GABRB1: variants seen among roughly 807,000 people sequenced by gnomAD.
GABRB1 encodes gamma-aminobutyric acid type A receptor subunit beta1, also known as gamma-aminobutyric acid receptor subunit beta-1.
Under a neutral mutation model 51.6 loss-of-function variants are expected in GABRB1, and 17 were observed. That is an observed-to-expected ratio of 0.33 (90% confidence interval 0.23 to 0.49). GABRB1 has a LOEUF of 0.49. Among genes scored for constraint, GABRB1 ranks in the 20% least tolerant of loss-of-function variants. The probability of loss-of-function intolerance (pLI) is 0.99; values close to 1 mark genes in which losing one functional copy is unlikely to be tolerated. For missense variants in GABRB1, 410 were observed against 600.6 expected (o/e 0.68, Z 3.32); for synonymous variants, 247 against 218.9 (o/e 1.13, Z -1.14).
intron 4 of GABRB1, among the ~76,000 whole-genome samples, chr4:47,188,348 G>A (rs573117853): frequency 2.0e-5 from 3 of 151,916 alleles, no homozygotes; most frequent in South Asian, 4.1e-4. Flanking sequence ...CACTTTGGAC[G>A]TTTTTTAATG....
intron 5 of GABRB1, among the ~76,000 whole-genome samples, chr4:47,362,172 C>G (rs1726832579): frequency 6.6e-6 from 1 of 152,086 alleles, no homozygotes; most frequent in Admixed American, 6.5e-5. Flanking sequence ...CAAGGATAAT[C>G]AGGTCAAATG....
chr4:47,169,643 A>G (rs1718355280), intron 4 of GABRB1, among the ~76,000 whole-genome samples: 1 of 152,110 alleles, frequency 6.6e-6, no homozygotes, highest in East Asian at 1.9e-4. Context: ...CTGGGATTAC[A>G]GGCACGTGCC....
At chr4:47,146,919 TAGTG>T (rs1388027569) in intron 3 of GABRB1, among the ~76,000 whole-genome samples, 4 of 152,118 alleles carry the variant, frequency 2.6e-5, no homozygotes, top group Non-Finnish European at 5.9e-5. Flanking sequence ...AGAAATGTGT[TAGTG>T]TGACTATTCA....
intron 4 of GABRB1, among the ~76,000 whole-genome samples, chr4:47,237,069 T>C (rs988264204): frequency 6.6e-6 from 1 of 151,882 alleles, no homozygotes; most frequent in South Asian, 2.1e-4. Flanking sequence ...TCAACAATAA[T>C]AAATAGCATA....
intron 8 of GABRB1, among the ~76,000 whole-genome samples, chr4:47,421,170 C>G (rs1159003606): frequency 6.6e-6 from 1 of 150,980 alleles, no homozygotes; most frequent in Non-Finnish European, 1.5e-5. Flanking sequence ...TCTTAAATGT[C>G]AAACCACTTA....
intron 4 of GABRB1, among the ~76,000 whole-genome samples, chr4:47,291,345 G>A (rs1433624404): frequency 2.0e-5 from 3 of 152,228 alleles, no homozygotes; most frequent in Admixed American, 6.5e-5. Flanking sequence ...ATGCCTGGAT[G>A]CCCAGGCAGA....
chr4:47,355,121 GGCTACAGGGA>G (rs1726517922), intron 5 of GABRB1, among the ~76,000 whole-genome samples: 1 of 150,824 alleles, frequency 6.6e-6, no homozygotes, highest in East Asian at 1.9e-4. Context: ...AAGTAGCTGG[GGCTACAGGGA>G]CCACACGCCC....
At chr4:47,079,760 ACAC>A (rs1034582376) in intron 3 of GABRB1, among the ~76,000 whole-genome samples, 8 of 148,616 alleles carry the variant, frequency 5.4e-5, no homozygotes, top group African/African-American at 2.0e-4. Context: ...AAAAAACCAA[ACAC>A]CACATGTTCT....
chr4:47,358,860 G>T (rs2110007542), intron 5 of GABRB1, among the ~76,000 whole-genome samples: 1 of 152,206 alleles, frequency 6.6e-6, no homozygotes, highest in East Asian at 1.9e-4. Flanking sequence ...TCTGAGTTTG[G>T]GTGATATATC....
At chr4:47,359,546 G>A (rs892954034) in intron 5 of GABRB1, among the ~76,000 whole-genome samples, 12 of 152,120 alleles carry the variant, frequency 7.9e-5, no homozygotes, top group African/African-American at 2.6e-4. Flanking sequence ...CCCAAAGTGA[G>A]GAAATTGCTC....
chr4:47,005,347 G>T (rs1356130871), intron 1 of GABRB1, among the ~76,000 whole-genome samples: 1 of 152,182 alleles, frequency 6.6e-6, no homozygotes, highest in Admixed American at 6.5e-5. Context: ...GAACCCGAGA[G>T]GCGGAGCTTG....
chr4:47,096,913 G>A (rs988271238), intron 3 of GABRB1, among the ~76,000 whole-genome samples: 7 of 152,160 alleles, frequency 4.6e-5, no homozygotes, highest in African/African-American at 1.4e-4. Context: ...TTTTACTCCA[G>A]TGAGACATCT....
At chr4:47,093,715 C>A (rs1378319834) in intron 3 of GABRB1, among the ~76,000 whole-genome samples, 1 of 152,062 alleles carries the variant, frequency 6.6e-6, no homozygotes, top group Non-Finnish European at 1.5e-5. Flanking sequence ...TAATTTGTAC[C>A]TATTAATATT....
At chr4:47,130,032 TC>T (rs1390776600) in intron 3 of GABRB1, among the ~76,000 whole-genome samples, 2 of 152,178 alleles carry the variant, frequency 1.3e-5, no homozygotes, top group Non-Finnish European at 2.9e-5. Flanking sequence ...CTAACAAATT[TC>T]CCAGGGAATC....
intron 5 of GABRB1, among the ~76,000 whole-genome samples, chr4:47,351,482 ATGTG>A (rs1726329426): frequency 6.6e-6 from 1 of 151,910 alleles, no homozygotes; most frequent in East Asian, 1.9e-4. Flanking sequence ...ATATGTGTAC[ATGTG>A]CCATGCTAGT....
chr4:47,115,879 T>C (rs564860375), intron 3 of GABRB1, among the ~76,000 whole-genome samples: 122 of 152,362 alleles, frequency 8.0e-4, no homozygotes, highest in Non-Finnish European at 1.4e-3. Context: ...AACCACATGG[T>C]ACTGTGCTTT....
intron 3 of GABRB1, among the ~76,000 whole-genome samples, chr4:47,111,037 A>T (rs1715191420): frequency 6.6e-6 from 1 of 152,208 alleles, no homozygotes; most frequent in African/African-American, 2.4e-5. Context: ...AACAAAATGA[A>T]TTGGATCTAG....
In GABRB1 at chr4:47,086,916, A is replaced by G. The variant is rs761096360; in HGVS notation, c.240+54432A>G. ...ACACTCATTCTCCTAATTCTGCTGC[A>G]AAGTGTCACAATGTTACTGTATTCC... On this transcript the variant is annotated intron_variant, in intron 3 of 8. Coordinates refer to ENST00000295454, the MANE Select transcript of GABRB1 (RefSeq NM_000812.4). Among the ~76,000 whole-genome samples the G allele has an allele frequency of 3.9e-5, 6 of 152,174 alleles. No individual in the cohort carries two copies. The East Asian group carries it at 1.2e-3, about 29-fold the overall frequency.
chr4:47,354,985 T>TTTTTGG (rs1169783580), intron 5 of GABRB1, among the ~76,000 whole-genome samples: 2 of 86,754 alleles, frequency 2.3e-5, no homozygotes, highest in Non-Finnish European at 5.4e-5. Flanking sequence ...CCTTTGTTTT[T>TTTTTGG]TTTTTTTTTT....
Sources: gnomAD v4.1 joint callset for allele counts (sites outside exome capture counted in the v4.1 genomes callset) on GRCh38, gnomAD v4.1.1 for gene constraint, MANE v1.5 for transcripts, NCBI Gene and HGNC (gene_info 2026-07-23, HGNC 2026-07-21) for gene names.